The following TNFRSF21 variants were observed in gnomAD, a reference collection of about 807,000 sequenced individuals.
The protein encoded by TNFRSF21 is tumor necrosis factor receptor superfamily member 21.
Under a neutral mutation model 45.6 loss-of-function variants are expected in TNFRSF21, and 19 were observed. The observed-to-expected ratio is 0.42, with a 90% confidence interval of 0.29 to 0.61. TNFRSF21 has a LOEUF of 0.61. TNFRSF21 is among the 20% of genes least tolerant of loss of function. TNFRSF21 has a pLI of 0.23. For missense variants in TNFRSF21, 737 were observed against 851.5 expected (o/e 0.87, Z 1.67); for synonymous variants, 314 against 335.5 (o/e 0.94, Z 0.70).
chr6:47,298,284 TAA>T (rs558717941), intron 1 of TNFRSF21, among the ~76,000 whole-genome samples: 21 of 74,400 alleles, frequency 2.8e-4, no homozygotes, highest in Non-Finnish European at 3.5e-4. Flanking sequence ...TACAAAAAAT[TAA>T]AAAAAAAAAA....
At chr6:47,305,702 G>A (rs1762930555) in intron 1 of TNFRSF21, among the ~76,000 whole-genome samples, 1 of 152,184 alleles carries the variant, frequency 6.6e-6, no homozygotes, top group Non-Finnish European at 1.5e-5. Flanking sequence ...CTAGGCAAAC[G>A]CACAGCTGGA....
At chr6:47,236,089 G>C (rs927563056) in intron 4 of TNFRSF21, among the ~76,000 whole-genome samples, 2 of 152,214 alleles carry the variant, frequency 1.3e-5, no homozygotes, top group Non-Finnish European at 2.9e-5. Context: ...CATTTTACCA[G>C]TAAAGTGACT....
intron 4 of TNFRSF21, among the ~76,000 whole-genome samples, chr6:47,235,304 G>A (rs774523107): frequency 2.0e-5 from 3 of 152,172 alleles, no homozygotes; most frequent in Admixed American, 6.5e-5. Context: ...TTCAGAATGC[G>A]ACTACTGTGA....
intron 3 of TNFRSF21, among the ~76,000 whole-genome samples, chr6:47,271,984 C>G (rs897263133): frequency 4.6e-5 from 7 of 152,150 alleles, no homozygotes; most frequent in African/African-American, 1.7e-4. Context: ...AATATATATG[C>G]ACCAAATACA....
intron 4 of TNFRSF21, among the ~76,000 whole-genome samples, chr6:47,236,447 G>A (rs566160477): frequency 5.9e-5 from 9 of 152,318 alleles, no homozygotes; most frequent in East Asian, 5.8e-4. Flanking sequence ...AAAGTATTAC[G>A]TGGGATAGTT....
At chr6:47,236,729 G>A (rs1331316132) in intron 4 of TNFRSF21, among the ~76,000 whole-genome samples, 4 of 152,100 alleles carry the variant, frequency 2.6e-5, no homozygotes, top group South Asian at 4.1e-4. Flanking sequence ...AGGCCCTGGC[G>A]CATGCCCCTC....
intron 3 of TNFRSF21, among the ~76,000 whole-genome samples, chr6:47,278,943 G>C (rs1182668010): frequency 6.6e-6 from 1 of 152,208 alleles, no homozygotes; most frequent in African/African-American, 2.4e-5. Flanking sequence ...CCTCAAGGCA[G>C]AGCAGAGAAA....
chr6:47,263,654 C>G (rs1762280979), intron 3 of TNFRSF21, among the ~76,000 whole-genome samples: 1 of 152,154 alleles, frequency 6.6e-6, no homozygotes, highest in Non-Finnish European at 1.5e-5. Context: ...ATAGGCCAAG[C>G]AGAGGAAAAC....
At chr6:47,306,176 T>C (rs572895770) in intron 1 of TNFRSF21, among the ~76,000 whole-genome samples, 9 of 152,224 alleles carry the variant, frequency 5.9e-5, no homozygotes, top group Non-Finnish European at 1.3e-4. Context: ...TCTTTCAGTG[T>C]ATGTTTTACT....
chr6:47,281,672 C>A (rs530870981), intron 3 of TNFRSF21, among the ~76,000 whole-genome samples: 1 of 151,984 alleles, frequency 6.6e-6, no homozygotes, highest in African/African-American at 2.4e-5. Context: ...TGAGCCACCA[C>A]GCCTGGGCCA....
At chr6:47,281,115 T>C (rs1007183296) in intron 3 of TNFRSF21, among the ~76,000 whole-genome samples, 2 of 152,084 alleles carry the variant, frequency 1.3e-5, no homozygotes, top group African/African-American at 4.8e-5. Flanking sequence ...ACATACAATA[T>C]TGGCAAATGA....
intron 4 of TNFRSF21, among the ~76,000 whole-genome samples, chr6:47,243,695 G>C (rs1375620306): frequency 6.6e-6 from 1 of 152,086 alleles, no homozygotes; most frequent in Non-Finnish European, 1.5e-5. Flanking sequence ...TGAGATTATA[G>C]GTGTGAGCCA....
intron 3 of TNFRSF21, among the ~76,000 whole-genome samples, chr6:47,265,789 T>C (rs1199873892): frequency 1.3e-5 from 2 of 152,208 alleles, no homozygotes; most frequent in African/African-American, 4.8e-5. Context: ...TTATGTCATC[T>C]TTGCATCCCA....
chr6:47,306,605 A>G (rs1477962217), intron 1 of TNFRSF21, among the ~76,000 whole-genome samples: 2 of 152,246 alleles, frequency 1.3e-5, no homozygotes, highest in African/African-American at 2.4e-5. Context: ...TGCTCTCTCT[A>G]TACATATACA....
chr6:47,253,544 A>G (rs1350321489), intron 3 of TNFRSF21, 23 bp from the exon 4 acceptor site: 2 of 1,603,838 alleles, frequency 1.2e-6, no homozygotes, highest in Non-Finnish European at 1.7e-6. Context: ...AAAAATAAAA[A>G]ACAAATGAGG....
chr6:47,242,316 G>C (rs901409836), intron 4 of TNFRSF21, among the ~76,000 whole-genome samples: 4 of 152,060 alleles, frequency 2.6e-5, no homozygotes, highest in Admixed American at 1.3e-4. Context: ...GGCCTATGAA[G>C]TTAGACTAGG....
intron 1 of TNFRSF21, among the ~76,000 whole-genome samples, chr6:47,305,739 A>G (rs892007961): frequency 2.0e-5 from 3 of 152,234 alleles, no homozygotes; most frequent in Non-Finnish European, 4.4e-5. Context: ...ATAGCCCTCT[A>G]TCTGGAATTC....
intron 3 of TNFRSF21, among the ~76,000 whole-genome samples, chr6:47,275,339 T>C (rs1011603775): frequency 6.6e-6 from 1 of 152,000 alleles, no homozygotes; most frequent in Non-Finnish European, 1.5e-5. Flanking sequence ...AAAAGATGAG[T>C]TCATGTCCTT....
chr6:47,285,028 A>G (rs750929455), intron 2 of TNFRSF21, among the ~76,000 whole-genome samples: 3 of 152,146 alleles, frequency 2.0e-5, no homozygotes, highest in Non-Finnish European at 4.4e-5. Flanking sequence ...ATTTTCATTA[A>G]GAAGTATGAG....
Sources: allele counts gnomAD v4.1 joint callset (sites outside exome capture counted in the v4.1 genomes callset), GRCh38; gene constraint gnomAD v4.1.1; transcripts MANE v1.5; gene names NCBI Gene and HGNC (gene_info 2026-07-23, HGNC 2026-07-21).